The following FNBP1L variants were observed in gnomAD, a reference collection of about 807,000 sequenced individuals.
FNBP1L encodes formin-binding protein 1-like.
FNBP1L carries 36 observed loss-of-function variants against 91.2 expected under a neutral mutation model. The observed-to-expected ratio is 0.39, with a 90% CI of 0.30 to 0.52. FNBP1L has a LOEUF of 0.52. FNBP1L is among the 20% of genes least tolerant of loss of function. The probability of loss-of-function intolerance (pLI) is 0.66; values close to 1 mark genes in which losing one functional copy is unlikely to be tolerated. For missense variants in FNBP1L, 571 were observed against 732.1 expected (o/e 0.78, Z 2.54); for synonymous variants, 242 against 237.0 (o/e 1.02, Z -0.19).
chr1:93,551,146 C>T (rs375948493), intron 16 of FNBP1L, 41 bp downstream of exon 16: 39 of 1,518,782 alleles, frequency 2.6e-5, no homozygotes, highest in Non-Finnish European at 3.2e-5. Flanking sequence ...CACCTTTGTG[C>T]CATGTGTGAC....
chr1:93,469,896 G>A (rs554891070), intron 1 of FNBP1L, among the ~76,000 whole-genome samples: 3 of 152,186 alleles, frequency 2.0e-5, no homozygotes, highest in African/African-American at 7.2e-5. Context: ...GGAATTCAAG[G>A]TTACAGTGAG....
Position 93,547,370 on chromosome 1 carries a change from C to T in FNBP1L, c.1431C>T (p.Gly477=). ...AGGCTTGGCTCTCTGAAGTCGAAGG[C>T]AAAACAGGTGGGAGAGGAGACAGAA... ...KNEAWLSEVE[G]KTGGRGDRRH... Residue 477 remains glycine, a synonymous_variant, in exon 14 of 17, where the codon GGC becomes GGT. Coordinates refer to ENST00000271234, the MANE Select transcript of FNBP1L (RefSeq NM_001164473.3). 2.6e-6 allele frequency: 4 copies of T among 1,561,162 alleles called. No individual in the cohort carries two copies. The highest frequency in any genetic ancestry group is 3.5e-6 in the Non-Finnish European group (4 of 1,151,898).
chr1:93,477,813 A>C (rs1281536724), intron 1 of FNBP1L, among the ~76,000 whole-genome samples: 1 of 152,236 alleles, frequency 6.6e-6, no homozygotes, highest in Admixed American at 6.5e-5. Context: ...GCATTAGTGC[A>C]TTTTGTGGTT....
At chr1:93,465,424 A>T (rs554703216) in intron 1 of FNBP1L, among the ~76,000 whole-genome samples, 5 of 151,882 alleles carry the variant, frequency 3.3e-5, no homozygotes, top group African/African-American at 7.3e-5. Context: ...TCATTGTTCA[A>T]TTCCCACCTA....
At chr1:93,547,063 T>C in intron 13 of FNBP1L, 89 bp downstream of exon 13, 1 of 1,355,400 alleles carries the variant, frequency 7.4e-7, no homozygotes, top group Non-Finnish European at 1.0e-6. Flanking sequence ...TATCTTCAAA[T>C]GTTTATATTT....
intron 2 of FNBP1L, among the ~76,000 whole-genome samples, chr1:93,521,439 G>A: frequency 6.6e-6 from 1 of 151,940 alleles, no homozygotes; most frequent in East Asian, 1.9e-4. Context: ...GTTTCTTTTT[G>A]CCCTGACTCA....
intron 2 of FNBP1L, among the ~76,000 whole-genome samples, chr1:93,518,350 C>T (rs1011460587): frequency 6.6e-6 from 1 of 152,132 alleles, no homozygotes; most frequent in African/African-American, 2.4e-5. Context: ...CTTCCAGCAG[C>T]CTGTCCTCCC....
chr1:93,530,911 G>C, intron 7 of FNBP1L, 28 bp downstream of exon 7: 19 of 1,478,602 alleles, frequency 1.3e-5, no homozygotes, highest in Non-Finnish European at 1.7e-5. Context: ...AGTTAATCTA[G>C]TTTTAGATTA....
At chr1:93,487,810 C>T (rs1290505262) in intron 1 of FNBP1L, among the ~76,000 whole-genome samples, 1 of 152,194 alleles carries the variant, frequency 6.6e-6, no homozygotes, top group Non-Finnish European at 1.5e-5. Context: ...ATTCCTTGAC[C>T]TCTGAATATT....
intron 1 of FNBP1L, among the ~76,000 whole-genome samples, chr1:93,493,598 G>A (rs79466259): frequency 0.021 from 3,195 of 152,056 alleles, 112 homozygotes; most frequent in African/African-American, 0.073. Context: ...TAAGTACCTC[G>A]TGTAGGTGGA....
chr1:93,523,996 A>G (rs917228428), intron 4 of FNBP1L, among the ~76,000 whole-genome samples: 10 of 152,122 alleles, frequency 6.6e-5, no homozygotes, highest in African/African-American at 2.4e-4. Flanking sequence ...ACTATTCAAG[A>G]CAATCATTAT....
intron 1 of FNBP1L, among the ~76,000 whole-genome samples, chr1:93,497,256 C>T (rs1670297545): frequency 6.6e-6 from 1 of 152,200 alleles, no homozygotes; most frequent in Non-Finnish European, 1.5e-5. Context: ...GCCAGTGCAC[C>T]TGGCCTGAAC....
chr1:93,448,526 G>A (rs1668350991), intron 1 of FNBP1L, among the ~76,000 whole-genome samples: 1 of 152,170 alleles, frequency 6.6e-6, no homozygotes, highest in Admixed American at 6.5e-5. Flanking sequence ...TTGCCGCCGT[G>A]GTGCAGCTCG....
chr1:93,533,807 C>G (rs1671760361), intron 8 of FNBP1L, among the ~76,000 whole-genome samples: 1 of 152,138 alleles, frequency 6.6e-6, no homozygotes, highest in Admixed American at 6.5e-5. Context: ...TGGCTGGATA[C>G]AAGTTTATAC....
At chr1:93,515,674 C>G (rs1160541164) in intron 2 of FNBP1L, among the ~76,000 whole-genome samples, 2 of 148,608 alleles carry the variant, frequency 1.3e-5, no homozygotes, top group Non-Finnish European at 3.0e-5. Context: ...CACAAAAAAC[C>G]AAACACCGCA....
chr1:93,465,193 T>G (rs1669028865), intron 1 of FNBP1L, among the ~76,000 whole-genome samples: 1 of 138,676 alleles, frequency 7.2e-6, no homozygotes, highest in African/African-American at 2.7e-5. Context: ...GTCTCTTTTT[T>G]GGGGGGGGGG....
intron 1 of FNBP1L, among the ~76,000 whole-genome samples, chr1:93,495,062 G>T (rs938330998): frequency 6.6e-6 from 1 of 152,116 alleles, no homozygotes; most frequent in Non-Finnish European, 1.5e-5. Flanking sequence ...CAGCCAAACG[G>T]TATCAATCAT....
intron 1 of FNBP1L, among the ~76,000 whole-genome samples, chr1:93,483,489 G>T (rs1570789455): frequency 6.6e-6 from 1 of 152,086 alleles, no homozygotes; most frequent in African/African-American, 2.4e-5. Context: ...GGATCATGGA[G>T]ACTTCTGATT....
intron 2 of FNBP1L, among the ~76,000 whole-genome samples, chr1:93,515,358 G>A (rs1270994340): frequency 1.5e-4 from 22 of 151,252 alleles, no homozygotes; most frequent in African/African-American, 2.7e-4. Context: ...TCAGTGTGGC[G>A]ATTCCTCAGG....
Sources: allele counts gnomAD v4.1 joint callset (sites outside exome capture counted in the v4.1 genomes callset), GRCh38; gene constraint gnomAD v4.1.1; transcripts MANE v1.5; gene names NCBI Gene and HGNC (gene_info 2026-07-23, HGNC 2026-07-21).